The following ADD2 variants were observed in gnomAD, a reference collection of about 807,000 sequenced individuals.
ADD2 encodes the protein adducin 2.
A neutral mutation model predicts 83.0 loss-of-function variants in ADD2; 23 were observed. The observed-to-expected ratio is 0.28, with a 90% confidence interval of 0.20 to 0.39. The LOEUF (loss-of-function observed/expected upper bound fraction) is 0.39, where lower values mean the gene tolerates loss of function less well. Ranked by LOEUF, ADD2 falls within the 10% of genes least tolerant of loss-of-function variation. The pLI is 1.00. For missense variants in ADD2, 758 were observed against 944.9 expected, an observed-to-expected ratio of 0.80 and a Z score of 2.59; for synonymous variants, 375 against 375.4, an observed-to-expected ratio of 1.00 and a Z score of 0.01.
chr2:70,756,889 T>C (rs6755139), intron 1 of ADD2, among the ~76,000 whole-genome samples: 69,501 of 151,990 alleles, frequency 0.46, 17,715 homozygotes, highest in African/African-American at 0.7. Flanking sequence ...AGTGCAATGG[T>C]GTGATCTCGG....
rs372674293 is a variant in ADD2, at chr2:70,706,415, G to A, written c.-7C>T. The A allele has an allele frequency of 6.9e-5, 110 of 1,600,006 alleles. No homozygotes were observed. Among genetic ancestry groups the A allele is most frequent in the Non-Finnish European group, 8.9e-5 (104 of 1,174,078 alleles). ...GGACCGTCTCTTCGCTCATTTTCCC[G>A]GTGGGTTTGCAATTCGCTCCTGGAA... is the stretch of plus-strand genomic sequence containing the variant. On this transcript the variant is annotated 5_prime_UTR_variant, in exon 3 of 16. Transcript: ENST00000264436. This position sits in a 1 kb window ranked among gnomAD's most constrained non-coding sequence, Gnocchi z 5.0.
chr2:70,728,709 T>C (rs1673134893), intron 1 of ADD2, among the ~76,000 whole-genome samples: 1 of 152,370 alleles, frequency 6.6e-6, no homozygotes, highest in South Asian at 2.1e-4. Context: ...GAGAAGCCCT[T>C]TGACGTCTGT....
rs1553374445 is a variant in ADD2, at chr2:70,706,337, G to A, written c.72C>T (p.Phe24=). The change falls in exon 3 of 16, where the codon TTC becomes TTT. Residue 24 remains phenylalanine (F), a synonymous_variant. Coordinates refer to ENST00000264436, the MANE Select transcript of ADD2 (RefSeq NM_001617.4). The surrounding 1 kb of genome is among the most constrained non-coding windows in gnomAD (Gnocchi z 5.0). ...GCATGTACTCGGGGTCGTCCTCTGAGAAGCGGTCAAAGTAAGGCTGCCCCT... is the reference window on the plus strand; with the variant it reads ...GCATGTACTCGGGGTCGTCCTCTGAAAAGCGGTCAAAGTAAGGCTGCCCCT... ...PPQGQPYFDR[F]SEDDPEYMRL... is the part of the protein sequence containing the mutation. The A allele has an allele frequency of 6.2e-7, 1 of 1,613,996 alleles. No homozygotes were observed. Among genetic ancestry groups the A allele is most frequent in the Admixed American group, 1.7e-5 (1 of 60,038 alleles).
rs782510605 is a variant in ADD2 at position 70,706,370 on chromosome 2, C to G, written c.39G>C (p.Pro13=). 1.2e-6 allele frequency: 2 copies of G among 1,611,508 alleles called. No individual in the cohort carries two copies. Among genetic ancestry groups the G allele is most frequent in the Admixed American group, 1.7e-5 (1 of 59,856 alleles). The change falls in exon 3 of 16, where the codon CCG becomes CCC. Residue 13 remains proline (P), a synonymous_variant. Transcript: ENST00000264436. The surrounding 1 kb of genome is among the most constrained non-coding windows in gnomAD (Gnocchi z 5.0). ...EETVPEAASP[P]PPQGQPYFDR... Reference sequence around the variant, plus strand: ...CAAAGTAAGGCTGCCCCTGCGGGGGCGGCGGCGAGGCAGCCTCGGGGACCG... The same window carrying G: ...CAAAGTAAGGCTGCCCCTGCGGGGGGGGCGGCGAGGCAGCCTCGGGGACCG...
Position 70,702,028 on chromosome 2 carries a change from T to G in ADD2, c.322+2293A>C, listed in dbSNP as rs565629982. Among the ~76,000 whole-genome samples, 435 of 152,318 alleles carry G rather than the reference T, an allele frequency of 2.9e-3. 3 individuals are homozygous for G. Among genetic ancestry groups the G allele is most frequent in the Non-Finnish European group, 4.4e-3 (296 of 68,026 alleles). On this transcript the variant is annotated intron_variant, in intron 4 of 15. Coordinates refer to ENST00000264436, the MANE Select transcript of ADD2 (RefSeq NM_001617.4). ...AACTTACAAATTTCCCCTACAGAGC[T>G]TACATTCTAATATAAAATTATAAAT...
rs782326740 is a variant in ADD2 at position 70,658,713 on chromosome 2, C to A, written c.*4712G>T. On this transcript the variant is annotated 3_prime_UTR_variant, in exon 16 of 16. Coordinates refer to ENST00000264436, the MANE Select transcript of ADD2 (RefSeq NM_001617.4). ...TGTTTCCTCTATGCTCAGTCAACTG[C>A]GACTGTGCCAACCAACTCTAGGGCT... The A allele has an allele frequency of 2.0e-5, 3 of 152,172 alleles. No homozygotes were observed. Among genetic ancestry groups the A allele is most frequent in the Non-Finnish European group, 4.4e-5 (3 of 68,048 alleles). 9.4% of individuals were successfully genotyped at this position (152,172 alleles called of 1,614,324 possible).
At chr2:70,719,678 C>T (rs1672636572) in intron 1 of ADD2, among the ~76,000 whole-genome samples, 1 of 152,218 alleles carries the variant, frequency 6.6e-6, no homozygotes, top group Non-Finnish European at 1.5e-5. Context: ...ATCAAAAAGG[C>T]TGTCTAATTG....
chr2:70,677,979 G>C lies in ADD2; in HGVS notation c.1384-102C>G, dbSNP rs1203397680. 4 of 1,499,824 alleles carry C rather than the reference G, an allele frequency of 2.7e-6. No homozygotes were observed. The African/African-American group carries it at 5.5e-5, about 21-fold the overall frequency. The allele number at this position is 1,499,824 out of a possible 1,614,324, so 92.9% of individuals were successfully genotyped here. On this transcript the variant is annotated intron_variant, in intron 11 of 15. Coordinates refer to ENST00000264436, the MANE Select transcript of ADD2 (RefSeq NM_001617.4). Reference sequence around the variant, plus strand: ...TCTGGGCCCAACATCCTGCATGGAAGGTCAGCAAGCCTACTCATAGACACT... The same window carrying C: ...TCTGGGCCCAACATCCTGCATGGAACGTCAGCAAGCCTACTCATAGACACT...
At chr2:70,691,002 C>G (rs1553371521) in intron 7 of ADD2, 73 bp from the exon 8 acceptor site, 1 of 1,512,792 alleles carries the variant, frequency 6.6e-7, no homozygotes, top group African/African-American at 1.4e-5. Context: ...CAGTCCAGCT[C>G]TACTCTGGGG....
intron 1 of ADD2, among the ~76,000 whole-genome samples, chr2:70,745,425 G>A (rs1016451525): frequency 1.3e-5 from 2 of 152,208 alleles, no homozygotes; most frequent in Admixed American, 6.5e-5. Flanking sequence ...AGAATCAGAG[G>A]AGAGGGAACA....
intron 1 of ADD2, among the ~76,000 whole-genome samples, chr2:70,762,078 A>C (rs185364531): frequency 1.3e-5 from 2 of 152,064 alleles, no homozygotes; most frequent in East Asian, 3.9e-4. Flanking sequence ...TAAGTTAAGA[A>C]AGGGGGTGGA....
Position 70,663,454 on chromosome 2 carries a change from T to C in ADD2, c.2152A>G (p.Ser718Gly), listed in dbSNP as rs782679295. 1.2e-6 allele frequency: 2 copies of C among 1,613,680 alleles called. No homozygotes were observed. The highest frequency in any genetic ancestry group is 1.1e-5 in the South Asian group (1 of 91,054). Residue 718 changes from serine to glycine, a missense_variant, in exon 16 of 16, where the codon AGC becomes GGC. Physicochemically the swap from Ser to Gly is moderately conservative, Grantham distance 56 (BLOSUM62 0). This residue lies in a region of ADD2 where 165 missense variants were observed against 176.2 expected (regional missense o/e 0.94). Coordinates refer to ENST00000264436, the MANE Select transcript of ADD2 (RefSeq NM_001617.4). Reference protein sequence around the residue: ...KFRTPSFLKKSKKKEKVES With the variant: ...KFRTPSFLKKGKKKEKVES ...GACTCCACTTTCTCCTTCTTTTTGC[T>C]CTTTTTCAGGAAGGAGGGGGTTCGG... is the stretch of plus-strand genomic sequence containing the variant.
At chr2:70,740,634 T>TTTTG (rs200384214) in intron 1 of ADD2, among the ~76,000 whole-genome samples, 1 of 151,910 alleles carries the variant, frequency 6.6e-6, no homozygotes, top group Non-Finnish European at 1.5e-5. Flanking sequence ...GTGGGGATTT[T>TTTTG]TTTGTTTGTT....
intron 1 of ADD2, among the ~76,000 whole-genome samples, chr2:70,765,776 G>C (rs1212695475): frequency 2.6e-5 from 4 of 152,104 alleles, no homozygotes; most frequent in African/African-American, 4.8e-5. Context: ...TCATGTTTTT[G>C]TATCAGCCTC....
At chr2:70,742,993 G>A (rs1255472631) in intron 1 of ADD2, among the ~76,000 whole-genome samples, 1 of 152,192 alleles carries the variant, frequency 6.6e-6, no homozygotes, top group Non-Finnish European at 1.5e-5. Flanking sequence ...TGTTACAGAT[G>A]TGTTAAGTGA....
intron 1 of ADD2, among the ~76,000 whole-genome samples, chr2:70,750,027 G>A (rs936169093): frequency 1.3e-5 from 2 of 152,154 alleles, no homozygotes; most frequent in African/African-American, 2.4e-5. Flanking sequence ...GTATACACAG[G>A]TCCTTGTTAC....
At chr2:70,736,122 C>T (rs968918826) in intron 1 of ADD2, among the ~76,000 whole-genome samples, 15 of 151,854 alleles carry the variant, frequency 9.9e-5, no homozygotes, top group African/African-American at 3.4e-4. Context: ...CTCTAACTGC[C>T]GGGGGTGGGG....
intron 2 of ADD2, among the ~76,000 whole-genome samples, chr2:70,712,455 ATAAAT>A (rs1672236919): frequency 7.7e-6 from 1 of 130,180 alleles, no homozygotes; most frequent in African/African-American, 3.4e-5. Flanking sequence ...AAAAAAATAA[ATAAAT>A]AAAAAAAAAA....
Position 70,674,777 on chromosome 2 carries a change from C to T in ADD2, c.1642G>A (p.Asp548Asn). ...GGGTTGGGCACCGTCTCCTCTGAAT[C>T]GTCTTTGGTATCCTCGTCTCCCTTG... ...MSKGDEDTKD[D>N]SEETVPNPFS... Residue 548 changes from aspartate to asparagine, a missense_variant, in exon 14 of 16, where the codon GAT becomes AAT. This residue lies in a region of ADD2 where 394 missense variants were observed against 509.3 expected (regional missense o/e 0.77). Transcript: ENST00000264436. 1.2e-6 allele frequency: 2 copies of T among 1,614,156 alleles called. No individual in the cohort carries two copies. The highest frequency in any genetic ancestry group is 2.2e-5 in the East Asian group (1 of 44,862).
Sources: allele counts gnomAD v4.1 joint callset (sites outside exome capture counted in the v4.1 genomes callset), GRCh38; gene constraint gnomAD v4.1.1; regional missense constraint gnomAD v4.1.1; non-coding constraint Gnocchi (gnomAD v3.1); transcripts MANE v1.5; gene names NCBI Gene and HGNC (gene_info 2026-07-23, HGNC 2026-07-21).